RGPD2: variants seen among roughly 807,000 people sequenced by gnomAD.
RGPD2 encodes RANBP2 like and GRIP domain containing 2.
In RGPD2, 2 loss-of-function variants were observed where a neutral mutation model predicts 36.0. That is an observed-to-expected ratio of 0.06 (90% CI 0.02 to 0.17). The LOEUF (loss-of-function observed/expected upper bound fraction) is 0.17, where lower values mean the gene tolerates loss of function less well. Among genes scored for constraint, RGPD2 ranks in the 10% least tolerant of loss-of-function variants. The probability of loss-of-function intolerance (pLI) is 1.00; values close to 1 mark genes in which losing one functional copy is unlikely to be tolerated. For missense variants in RGPD2, 40 were observed against 464.3 expected, an observed-to-expected ratio of 0.09 and a Z score of 8.40; for synonymous variants, 19 against 163.8, an observed-to-expected ratio of 0.12 and a Z score of 6.75.
the RGPD2 span, among the ~76,000 whole-genome samples, chr2:87,848,858 T>TGG: frequency 2.5e-5 from 3 of 122,032 alleles, no homozygotes; most frequent in Admixed American, 8.3e-5. Context: ...ATTGAGGGTG[T>TGG]GGTGTGTGTG....
At chr2:87,905,641 A>G in the RGPD2 span, among the ~76,000 whole-genome samples, 2 of 151,464 alleles carry the variant, frequency 1.3e-5, no homozygotes, top group African/African-American at 4.8e-5. Flanking sequence ...CAGGGAAATT[A>G]ACAATTAAAA....
At chr2:87,919,687 A>G in the RGPD2 span, among the ~76,000 whole-genome samples, 2 of 144,788 alleles carry the variant, frequency 1.4e-5, no homozygotes, top group Admixed American at 1.4e-4. Flanking sequence ...TATAATAGAG[A>G]AGTAGTGTGG....
chr2:87,989,425 G>C, the RGPD2 span, among the ~76,000 whole-genome samples: 2 of 152,054 alleles, frequency 1.3e-5, no homozygotes, highest in Non-Finnish European at 2.9e-5. Context: ...AGGACATTTA[G>C]TTTTAATGAG....
chr2:87,824,976 T>A (rs956979722), intron 1 of RGPD2: 41 of 389,866 alleles, frequency 1.1e-4, no homozygotes, highest in Non-Finnish European at 1.4e-4. Flanking sequence ...TGGCCCACCA[T>A]AATTGCCCCC....
upstream of RGPD2, among the ~76,000 whole-genome samples, chr2:87,829,381 G>A (rs1686911777): frequency 1.4e-5 from 2 of 138,244 alleles, no homozygotes; most frequent in South Asian, 2.6e-4. Flanking sequence ...TTTCTTGTTG[G>A]GAAGGTAAAA....
At chr2:87,900,762 C>CT in the RGPD2 span, among the ~76,000 whole-genome samples, 1 of 152,346 alleles carries the variant, frequency 6.6e-6, no homozygotes, top group Admixed American at 6.5e-5. Flanking sequence ...ACAGGACTGC[C>CT]TTTTTTTCAA....
intron 7 of RGPD2, among the ~76,000 whole-genome samples, chr2:87,805,451 T>TC (rs1432608068): frequency 1.7e-5 from 2 of 119,254 alleles, no homozygotes; most frequent in Admixed American, 1.9e-4. Flanking sequence ...TCCTTTTTTT[T>TC]CCCTCCCCAA....
At chr2:87,841,224 C>T in the RGPD2 span, among the ~76,000 whole-genome samples, 1 of 151,234 alleles carries the variant, frequency 6.6e-6, no homozygotes, top group African/African-American at 2.4e-5. Flanking sequence ...TACATCCCCC[C>T]TTCTCTCTTG....
chr2:87,919,843 G>A, the RGPD2 span, among the ~76,000 whole-genome samples: 1 of 150,832 alleles, frequency 6.6e-6, no homozygotes, highest in African/African-American at 2.5e-5. Context: ...TGAAAATTGT[G>A]GAATTGAATA....
upstream of RGPD2, among the ~76,000 whole-genome samples, chr2:87,828,770 T>TA (rs1168088109): frequency 9.7e-6 from 1 of 103,570 alleles, no homozygotes; most frequent in Non-Finnish European, 1.9e-5. Context: ...TGTCTGTATG[T>TA]AGCAGATAAA....
chr2:87,988,862 A>C, the RGPD2 span, among the ~76,000 whole-genome samples: 1 of 151,956 alleles, frequency 6.6e-6, no homozygotes, highest in Non-Finnish European at 1.5e-5. Flanking sequence ...ATATTATTAT[A>C]CTGCACAATA....
chr2:87,845,567 A>G, the RGPD2 span, among the ~76,000 whole-genome samples: 1 of 149,954 alleles, frequency 6.7e-6, no homozygotes, highest in Admixed American at 6.7e-5. Flanking sequence ...TATATTTTAA[A>G]TTAGCATGTG....
chr2:87,830,738 T>C (rs1262970708), upstream of RGPD2, among the ~76,000 whole-genome samples: 9 of 152,318 alleles, frequency 5.9e-5, no homozygotes, highest in East Asian at 1.7e-3. Context: ...ATGTTTTACA[T>C]GGTGGAAAGC....
At chr2:87,809,683 A>G (rs1288333188) in intron 6 of RGPD2, among the ~76,000 whole-genome samples, 79 of 150,224 alleles carry the variant, frequency 5.3e-4, no homozygotes, top group African/African-American at 1.8e-3. Context: ...CCTAAGCCAC[A>G]CTGTGAAACT....
At chr2:87,989,728 T>C in the RGPD2 span, 7 of 1,017,474 alleles carry the variant, frequency 6.9e-6, no homozygotes, top group Admixed American at 2.3e-5. Flanking sequence ...GGATCTCTGA[T>C]AGAATCAATG....
At chr2:87,915,383 TTG>T in the RGPD2 span, among the ~76,000 whole-genome samples, 1 of 120,744 alleles carries the variant, frequency 8.3e-6, no homozygotes, top group African/African-American at 3.1e-5. Flanking sequence ...ATTATATATA[TTG>T]TATATATATG....
chr2:87,961,060 A>G, the RGPD2 span, among the ~76,000 whole-genome samples: 8 of 149,010 alleles, frequency 5.4e-5, no homozygotes, highest in African/African-American at 2.0e-4. Flanking sequence ...CTGAAATACA[A>G]TTGAAAAAAT....
the RGPD2 span, among the ~76,000 whole-genome samples, chr2:87,864,123 G>A: frequency 8.5e-5 from 13 of 152,132 alleles, no homozygotes; most frequent in South Asian, 1.0e-3. Flanking sequence ...ATTATTGTGG[G>A]TGTTTCCATG....
the RGPD2 span, among the ~76,000 whole-genome samples, chr2:87,871,878 AAAT>A: frequency 1.3e-5 from 2 of 149,050 alleles, no homozygotes; most frequent in Non-Finnish European, 3.0e-5. Context: ...AAAAAAAAAA[AAAT>A]AGATTCAAAA....
Sources: allele counts gnomAD v4.1 joint callset (sites outside exome capture counted in the v4.1 genomes callset), GRCh38; gene constraint gnomAD v4.1.1; transcripts MANE v1.5; gene names NCBI Gene and HGNC (gene_info 2026-07-23, HGNC 2026-07-21).